EMC7: variants seen among roughly 807,000 people sequenced by gnomAD.
EMC7 encodes endoplasmic reticulum membrane protein complex subunit 7.
In EMC7, 4 loss-of-function variants were observed where a neutral mutation model predicts 24.4. The observed-to-expected ratio is 0.16, with a 90% CI of 0.08 to 0.38. The LOEUF (loss-of-function observed/expected upper bound fraction) is 0.38. Ranked by LOEUF, EMC7 falls within the 10% of genes least tolerant of loss-of-function variation. EMC7 has a pLI of 1.00. For missense variants in EMC7, 221 were observed against 300.6 expected (o/e 0.74, Z 1.96); for synonymous variants, 106 against 112.0 (o/e 0.95, Z 0.34).
intron 4 of EMC7, among the ~76,000 whole-genome samples, chr15:34,086,886 T>C (rs548397323): frequency 6.6e-6 from 1 of 152,364 alleles, no homozygotes; most frequent in Non-Finnish European, 1.5e-5. Context: ...TTTTGAAATA[T>C]CAAAAACCTT....
intron 2 of EMC7, among the ~76,000 whole-genome samples, chr15:34,094,448 T>C (rs777105432): frequency 6.6e-6 from 1 of 152,048 alleles, no homozygotes; most frequent in Non-Finnish European, 1.5e-5. Context: ...GGCAGAAGAA[T>C]TGCTTGAACC....
At chr15:34,084,736 G>C (rs1391798223) in intron 4 of EMC7, among the ~76,000 whole-genome samples, 1 of 50,966 alleles carries the variant, frequency 2.0e-5, no homozygotes, top group Non-Finnish European at 4.0e-5. Context: ...GTTTGATTCT[G>C]CTTGCCTTTT....
intron 1 of EMC7, chr15:34,100,927 TGAAAGGACAGAAGCAA>T (rs1205947955): frequency 6.6e-6 from 1 of 151,618 alleles, no homozygotes; most frequent in Non-Finnish European, 1.5e-5. Flanking sequence ...ACTAATAGCA[TGAAAGGACAGAAGCAA>T]GAAAGCAATG....
chr15:34,093,995 A>T lies in EMC7; in HGVS notation c.356+1900T>A, dbSNP rs1901023667. 2.7e-5 allele frequency among the ~76,000 whole-genome samples: 4 copies of T among 149,222 alleles called. No individual in the cohort carries two copies. In the South Asian group the frequency reaches 8.6e-4, roughly 32 times the overall value. On this transcript the variant is annotated intron_variant, in intron 2 of 4. Transcript: ENST00000256545. The stretch of plus-strand genomic sequence containing the variant: ...GATTGCACCTGAGAAAAACCACTAC[A>T]CTCCAGCCTAGGCAACATAGCAAGA...
chr15:34,091,209 T>C (rs1269885899), intron 2 of EMC7, among the ~76,000 whole-genome samples: 2 of 152,224 alleles, frequency 1.3e-5, no homozygotes, highest in East Asian at 3.8e-4. Context: ...CTATAGCCTA[T>C]TTTGGTATAT....
intron 4 of EMC7, chr15:34,085,842 T>C (rs1900873955): frequency 1.3e-5 from 2 of 151,326 alleles, no homozygotes; most frequent in Non-Finnish European, 2.9e-5. Context: ...CTCCCCTTTT[T>C]TTTTTTTTTT....
At chr15:34,089,508 C>T (rs1326925961) in intron 3 of EMC7, among the ~76,000 whole-genome samples, 1 of 152,114 alleles carries the variant, frequency 6.6e-6, no homozygotes, top group African/African-American at 2.4e-5. Flanking sequence ...TAGTGAGTAT[C>T]ATAACATCGG....
chr15:34,091,897 C>A (rs1316980072), intron 2 of EMC7, among the ~76,000 whole-genome samples: 6 of 152,200 alleles, frequency 3.9e-5, no homozygotes, highest in Non-Finnish European at 8.8e-5. Flanking sequence ...TCCAGCATTT[C>A]TCTGCCAAAA....
chr15:34,087,723 AC>A (rs1239890924), intron 4 of EMC7, among the ~76,000 whole-genome samples: 2 of 152,230 alleles, frequency 1.3e-5, no homozygotes, highest in Non-Finnish European at 2.9e-5. Context: ...AATGGAAGCA[AC>A]TAATTAAAAG....
At chr15:34,089,974 C>T (rs1049221344) in intron 3 of EMC7, among the ~76,000 whole-genome samples, 1 of 152,090 alleles carries the variant, frequency 6.6e-6, no homozygotes, top group African/African-American at 2.4e-5. Context: ...CCAAAACAAA[C>T]CACAAACAAA....
chr15:34,090,729 C>G (rs1900963629), intron 2 of EMC7, among the ~76,000 whole-genome samples: 1 of 152,144 alleles, frequency 6.6e-6, no homozygotes, highest in South Asian at 2.1e-4. Flanking sequence ...AAATCAGTTC[C>G]CTAACTTCTA....
chr15:34,085,738 C>A (rs1433059451), intron 4 of EMC7, among the ~76,000 whole-genome samples: 1 of 151,898 alleles, frequency 6.6e-6, no homozygotes, highest in Non-Finnish European at 1.5e-5. Context: ...TGTTAACATG[C>A]CCCAATAATT....
intron 1 of EMC7, among the ~76,000 whole-genome samples, chr15:34,099,605 A>T (rs1253940804): frequency 6.6e-6 from 1 of 152,008 alleles, no homozygotes; most frequent in African/African-American, 2.4e-5. Flanking sequence ...TTCTCCATCA[A>T]TGTTTCTTTT....
chr15:34,095,101 T>C (rs753276805), intron 2 of EMC7, among the ~76,000 whole-genome samples: 2 of 152,222 alleles, frequency 1.3e-5, no homozygotes, highest in Non-Finnish European at 2.9e-5. Context: ...AAATTATTTA[T>C]TAGTCCTCCA....
In EMC7 at chr15:34,092,425, T is replaced by G. The variant is rs566236825; in HGVS notation, c.357-1970A>C. ...GTGTAGTGGCGCAATCTCGGCTCAC[T>G]GCAACCTTTGCCTCCCGGGTTCAAG... On this transcript the variant is annotated intron_variant, in intron 2 of 4. Coordinates refer to ENST00000256545, the MANE Select transcript of EMC7 (RefSeq NM_020154.3). Among the ~76,000 whole-genome samples the G allele has an allele frequency of 1.9e-3, 294 of 152,292 alleles. 3 individuals carry two copies. Among genetic ancestry groups the G allele is most frequent in the Non-Finnish European group, 2.3e-3 (155 of 68,012 alleles).
At chr15:34,097,428 C>A (rs1901094065) in intron 1 of EMC7, among the ~76,000 whole-genome samples, 1 of 152,128 alleles carries the variant, frequency 6.6e-6, no homozygotes, top group Admixed American at 6.5e-5. Context: ...TTACTAGAAG[C>A]TTAAAATGTT....
chr15:34,087,864 C>T (rs1468578594), intron 4 of EMC7, among the ~76,000 whole-genome samples, 189 bp downstream of exon 4: 1 of 152,006 alleles, frequency 6.6e-6, no homozygotes, highest in Non-Finnish European at 1.5e-5. Flanking sequence ...GTTCAAAAAC[C>T]CACAGGTGGG....
chr15:34,096,742 C>T (rs1280457728), intron 1 of EMC7, among the ~76,000 whole-genome samples: 1 of 151,504 alleles, frequency 6.6e-6, no homozygotes, highest in Admixed American at 6.6e-5. Context: ...AATCCCAGCA[C>T]TTTGGGAGGC....
At chr15:34,093,601 C>T (rs1377664830) in intron 2 of EMC7, among the ~76,000 whole-genome samples, 1 of 150,358 alleles carries the variant, frequency 6.7e-6, no homozygotes, top group Admixed American at 6.6e-5. Context: ...AGCTCTCATT[C>T]CGTCCAATAT....
Sources: allele counts gnomAD v4.1 joint callset (sites outside exome capture counted in the v4.1 genomes callset), GRCh38; gene constraint gnomAD v4.1.1; transcripts MANE v1.5; gene names NCBI Gene and HGNC (gene_info 2026-07-23, HGNC 2026-07-21).